Variants in FRMD3 observed in about 807,000 individuals in gnomAD.
FRMD3 encodes FERM domain-containing protein 3.
Under a neutral mutation model 70.2 loss-of-function variants are expected in FRMD3, and 33 were observed. That is an observed-to-expected ratio of 0.47 (90% CI 0.36 to 0.63). FRMD3 has a LOEUF of 0.63. Ranked by LOEUF, FRMD3 falls within the 20% of genes least tolerant of loss-of-function variation. The pLI, the probability that FRMD3 is intolerant of heterozygous loss-of-function variation, is 0.00. For synonymous variants in FRMD3, 279 were observed against 255.9 expected, an observed-to-expected ratio of 1.09 and a Z score of -0.86; for missense variants, 632 against 711.4, an observed-to-expected ratio of 0.89 and a Z score of 1.27.
At chr9:83,513,121 C>T (rs937000730) in intron 1 of FRMD3, among the ~76,000 whole-genome samples, 2 of 152,192 alleles carry the variant, frequency 1.3e-5, no homozygotes, top group African/African-American at 4.8e-5. Context: ...TTCATAGAGG[C>T]ATTCAGAGCC....
rs190174245 is a variant in FRMD3, at chr9:83,419,763, T to C, written c.148-30055A>G. Reference sequence around the variant, plus strand: ...GAGCTGGGAAGCACACCTTCTATTCTGTGTTCACCTAATTCTAACAAAAAC... The same window carrying C: ...GAGCTGGGAAGCACACCTTCTATTCCGTGTTCACCTAATTCTAACAAAAAC... On this transcript the variant is annotated intron_variant, in intron 1 of 13. Transcript: ENST00000304195. Among the ~76,000 whole-genome samples the C allele has an allele frequency of 1.5e-4, 23 of 152,064 alleles. No homozygotes were observed. In the East Asian group the frequency reaches 3.9e-3, roughly 25 times the overall value.
rs1159545963 is a variant in FRMD3 at position 83,354,595 on chromosome 9, AG to A, written c.296-4839del. Reference sequence around the variant, plus strand: ...CAGGATCATTCATACCCCAAACCTCAGCATCATGAAAAATATCCAGCTAATA... The same window carrying A: ...CAGGATCATTCATACCCCAAACCTCACATCATGAAAAATATCCAGCTAATA... On this transcript the variant is annotated intron_variant, in intron 3 of 13. Coordinates refer to ENST00000304195, the MANE Select transcript of FRMD3 (RefSeq NM_174938.6). 3.3e-4 allele frequency among the ~76,000 whole-genome samples: 50 copies of A among 152,326 alleles called. 1 individual carries two copies. Among genetic ancestry groups the A allele is most frequent in the African/African-American group, 1.1e-3 (47 of 41,580 alleles).
intron 8 of FRMD3, 39 bp downstream of exon 8, chr9:83,311,848 A>T: frequency 7.1e-7 from 1 of 1,410,522 alleles, no homozygotes; most frequent in Non-Finnish European, 1.0e-6. Context: ...AATCAAGATT[A>T]AGAAAAATGG....
chr9:83,266,957 G>T, intron 13 of FRMD3: 1 of 1,516,806 alleles, frequency 6.6e-7, no homozygotes, highest in South Asian at 1.2e-5. Context: ...TGAGCAGGAA[G>T]CTGGAAGCCC....
the FRMD3 span, among the ~76,000 whole-genome samples, chr9:83,568,929 T>TAGATAGAC: frequency 9.5e-6 from 1 of 105,034 alleles, no homozygotes; most frequent in African/African-American, 3.4e-5. Context: ...GATAGATAGA[T>TAGATAGAC]AGATAGATAG....
intron 1 of FRMD3, among the ~76,000 whole-genome samples, chr9:83,478,754 T>C (rs1828459282): frequency 6.6e-6 from 1 of 152,118 alleles, no homozygotes; most frequent in Non-Finnish European, 1.5e-5. Context: ...AACACAAATA[T>C]CCACTGGCAA....
intron 1 of FRMD3, among the ~76,000 whole-genome samples, chr9:83,510,666 C>T (rs1204873577): frequency 2.0e-5 from 3 of 152,120 alleles, no homozygotes; most frequent in Admixed American, 6.5e-5. Flanking sequence ...GTCCATATAA[C>T]GAAATAGTAT....
chr9:83,522,749 G>C (rs1219560942), intron 1 of FRMD3, among the ~76,000 whole-genome samples: 1 of 151,876 alleles, frequency 6.6e-6, no homozygotes, highest in Non-Finnish European at 1.5e-5. Flanking sequence ...ATTTTTAGTA[G>C]AGACGGGGTT....
chr9:83,288,579 C>G (rs2118961211), intron 13 of FRMD3, among the ~76,000 whole-genome samples: 1 of 152,302 alleles, frequency 6.6e-6, no homozygotes, highest in Admixed American at 6.5e-5. Context: ...CTATTGTGGA[C>G]TTCCGAAGAG....
At chr9:83,541,455 G>A (rs912133951), upstream of FRMD3, among the ~76,000 whole-genome samples, 1 of 152,208 alleles carries the variant, frequency 6.6e-6, no homozygotes, top group African/African-American at 2.4e-5. Flanking sequence ...TGGAAATATT[G>A]CAGTGTATTT....
chr9:83,302,128 GAGA>G (rs1834951952), intron 10 of FRMD3, among the ~76,000 whole-genome samples: 1 of 152,194 alleles, frequency 6.6e-6, no homozygotes, highest in Admixed American at 6.5e-5. Context: ...ATGGAGAGAG[GAGA>G]AAGAATGGTG....
intron 10 of FRMD3, among the ~76,000 whole-genome samples, chr9:83,303,795 A>G (rs1248334533): frequency 1.3e-5 from 2 of 152,184 alleles, no homozygotes; most frequent in African/African-American, 4.8e-5. Context: ...AAAAAAAGAA[A>G]TTACGAAAAT....
chr9:83,310,162 A>G (rs1040139109), intron 9 of FRMD3, among the ~76,000 whole-genome samples: 1 of 152,158 alleles, frequency 6.6e-6, no homozygotes, highest in African/African-American at 2.4e-5. Flanking sequence ...TTAGCTTTGT[A>G]AGTATTCTTT....
intron 1 of FRMD3, among the ~76,000 whole-genome samples, chr9:83,454,660 G>T (rs1267816092): frequency 2.0e-5 from 3 of 152,168 alleles, no homozygotes; most frequent in Non-Finnish European, 4.4e-5. Context: ...CCACCAGAAA[G>T]GTTGTAGACA....
the FRMD3 span, among the ~76,000 whole-genome samples, chr9:83,576,603 C>A: frequency 5.9e-5 from 9 of 152,102 alleles, no homozygotes; most frequent in Non-Finnish European, 1.3e-4. Flanking sequence ...AACCCTTTAT[C>A]CTCCAACAGG....
chr9:83,394,811 T>C (rs1016681274), intron 1 of FRMD3, among the ~76,000 whole-genome samples: 4 of 152,098 alleles, frequency 2.6e-5, no homozygotes, highest in Non-Finnish European at 1.5e-5. Context: ...CCCCAAAGTA[T>C]GTACTAGGAA....
chr9:83,356,881 C>CATA (rs1824362562), intron 3 of FRMD3, among the ~76,000 whole-genome samples: 1 of 151,604 alleles, frequency 6.6e-6, no homozygotes. Flanking sequence ...AGTCTGTTAT[C>CATA]CCTCACCACC....
At chr9:83,354,479 C>G (rs920480413) in intron 3 of FRMD3, among the ~76,000 whole-genome samples, 12 of 152,084 alleles carry the variant, frequency 7.9e-5, no homozygotes, top group Middle Eastern at 3.2e-3. Context: ...AAGATGGAAA[C>G]AACAGACGCT....
intron 2 of FRMD3, among the ~76,000 whole-genome samples, chr9:83,378,750 T>A (rs1386820141): frequency 2.5e-5 from 3 of 121,528 alleles, no homozygotes; most frequent in African/African-American, 1.1e-4. Flanking sequence ...ATATTATATA[T>A]AATATATAAT....
Sources: gnomAD v4.1 joint callset for allele counts (sites outside exome capture counted in the v4.1 genomes callset) on GRCh38, gnomAD v4.1.1 for gene constraint, MANE v1.5 for transcripts, NCBI Gene and HGNC (gene_info 2026-07-23, HGNC 2026-07-21) for gene names.